Variants in PRRC2C observed in about 807,000 individuals in gnomAD.
PRRC2C encodes protein PRRC2C.
PRRC2C carries 72 observed loss-of-function variants against 317.2 expected under a neutral mutation model. That is an observed-to-expected ratio of 0.23 (90% CI 0.19 to 0.28). The LOEUF (loss-of-function observed/expected upper bound fraction) is 0.28. Among genes scored for constraint, PRRC2C ranks in the 10% least tolerant of loss-of-function variants. The probability of loss-of-function intolerance (pLI) is 1.00; values close to 1 mark genes in which losing one functional copy is unlikely to be tolerated. For missense variants in PRRC2C, 3,074 were observed against 3,459.7 expected (o/e 0.89, Z 2.80); for synonymous variants, 1,296 against 1,205.9 (o/e 1.07, Z -1.55).
At chr1:171,489,997 G>A (rs1666827015) in intron 1 of PRRC2C, among the ~76,000 whole-genome samples, 1 of 152,006 alleles carries the variant, frequency 6.6e-6, no homozygotes, top group Non-Finnish European at 1.5e-5. Flanking sequence ...TTGGCTCACT[G>A]CAACCTCTCC....
chr1:171,490,783 G>A (rs1667006930), intron 1 of PRRC2C, among the ~76,000 whole-genome samples: 1 of 152,178 alleles, frequency 6.6e-6, no homozygotes, highest in Admixed American at 6.5e-5. Flanking sequence ...AAAAGTGGAA[G>A]GTTAAAGGGG....
intron 6 of PRRC2C, among the ~76,000 whole-genome samples, chr1:171,520,811 T>TC (rs199975182): frequency 0.019 from 2,853 of 148,944 alleles, 86 homozygotes; most frequent in African/African-American, 0.068. Flanking sequence ...TTTTTTTTTT[T>TC]TTTTTTTTAA....
rs1236663155 is a variant in PRRC2C at position 171,559,505 on chromosome 1, G to GTTTTTTT, written c.6031+1365_6031+1366insTTTTTTT. Among the ~76,000 whole-genome samples the GTTTTTTT allele has an allele frequency of 1.3e-3, 122 of 95,128 alleles. 41 individuals carry two copies. Among genetic ancestry groups the GTTTTTTT allele is most frequent in the Admixed American group, 2.2e-3 (15 of 6,880 alleles). The allele number at this position is 95,128 out of a possible 152,430, so 62.4% of individuals were successfully genotyped here. ...ATCTGTTTACAAAATGGCATACCAA[G>GTTTTTTT]TTTGTTTTTTTTTTTTTTTTTTTTT... is the stretch of plus-strand genomic sequence containing the variant. On this transcript the variant is annotated intron_variant, in intron 19 of 34. Coordinates refer to ENST00000647382, the MANE Select transcript of PRRC2C (RefSeq NM_001387844.1).
chr1:171,586,543 GTATTTTATTTTATTTTATTTTATTT>G lies in PRRC2C; in HGVS notation c.7750-428_7750-404del, dbSNP rs560341256. 2.2e-3 allele frequency among the ~76,000 whole-genome samples: 295 copies of G among 132,252 alleles called. 1 individual carries two copies. The highest frequency in any genetic ancestry group is 5.9e-3 in the African/African-American group (202 of 34,200). The allele number at this position is 132,252 out of a possible 152,430, so 86.8% of individuals were successfully genotyped here. A position where few individuals can be genotyped will look rare whatever the true frequency, so the allele number is the denominator to read the frequency against. On this transcript the variant is annotated intron_variant, in intron 30 of 34. Transcript: ENST00000647382. ...ATATTAGTAGATGGATGTGTTCTAT[GTATTTTATTTTATTTTATTTTATTT>G]TATTTTATTTTATTTTATTTTATTT... is the stretch of plus-strand genomic sequence containing the variant.
At chr1:171,589,222 T>C (rs1048269884) in intron 33 of PRRC2C, 147 bp from the exon 34 acceptor site, 2 of 384,648 alleles carry the variant, frequency 5.2e-6, no homozygotes, top group Admixed American at 3.9e-5. Flanking sequence ...TCCTTGTTAA[T>C]GGAATGGCAC....
At position 171,523,229 on chromosome 1, in the gene PRRC2C, G is replaced by C. The variant is rs756768130; in HGVS notation, c.842G>C (p.Arg281Pro). Residue 281 changes from arginine to proline, a missense_variant, in exon 8 of 35, where the codon CGA becomes CCA. Physicochemically the swap from Arg to Pro is moderately radical, Grantham distance 103 (BLOSUM62 -2). Around this residue, in one of 11 missense-constraint regions of PRRC2C, gnomAD observed 50 missense variants for 88.3 expected, o/e 0.57. Transcript: ENST00000647382. The part of the protein sequence containing the change: ...PSLSETNKGL[R>P]GRGPPPSWAS... ...GACCTGCCTTTCATTAGAGGCCTTC[G>C]AGGAAGAGGCCCACCTCCTTCATGG... The C allele has an allele frequency of 6.2e-7, 1 of 1,610,566 alleles. No individual in the cohort carries two copies. Among genetic ancestry groups the C allele is most frequent in the African/African-American group, 1.3e-5 (1 of 74,790 alleles).
intron 16 of PRRC2C, among the ~76,000 whole-genome samples, chr1:171,543,570 A>G (rs1678432797): frequency 6.6e-6 from 1 of 152,170 alleles, no homozygotes; most frequent in Non-Finnish European, 1.5e-5. Flanking sequence ...AGTAATCATT[A>G]TTATGTGTGC....
chr1:171,488,143 G>A (rs1043599525), intron 1 of PRRC2C, among the ~76,000 whole-genome samples: 1 of 152,094 alleles, frequency 6.6e-6, no homozygotes, highest in Non-Finnish European at 1.5e-5. Flanking sequence ...TTGTTAGTTA[G>A]GTAACTTGTG....
In PRRC2C at chr1:171,509,884, G is replaced by A. The variant is rs529490548; in HGVS notation, c.-57-2148G>A. 3.3e-3 allele frequency: 411 copies of A among 122,842 alleles called. 5 individuals are homozygous for A. Among genetic ancestry groups the A allele is most frequent in the African/African-American group, 0.013 (394 of 31,188 alleles). 7.6% of individuals were successfully genotyped at this position (122,842 alleles called of 1,614,324 possible). A position where few individuals can be genotyped will look rare whatever the true frequency, so the allele number is the denominator to read the frequency against. On this transcript the variant is annotated intron_variant, in intron 1 of 34. Transcript: ENST00000647382. ...TTTTTTTTTTTGAGACGGAGTCTTG[G>A]TCTGTCACCCAGGCTGTAGTACAGT...
rs1035352136 is a variant in PRRC2C, at chr1:171,527,802, A to G, written c.1212A>G (p.Thr404=). 3 of 1,578,950 alleles carry G rather than the reference A, an allele frequency of 1.9e-6. No homozygotes were observed. The highest frequency in any genetic ancestry group is 2.7e-5 in the African/African-American group (2 of 73,796). The stretch of plus-strand genomic sequence containing the variant: ...CTTCTTTATAATAGGAACGTGGAAC[A>G]TCTTCACATCTGCCACCACCTCCAA... ...KGPSFNQERG[T]SSHLPPPPKL... Residue 404 remains threonine, a synonymous_variant, in exon 11 of 35, where the codon ACA becomes ACG. Transcript: ENST00000647382.
intron 1 of PRRC2C, among the ~76,000 whole-genome samples, chr1:171,503,614 A>G (rs1212473855): frequency 6.6e-6 from 1 of 152,010 alleles, no homozygotes; most frequent in Non-Finnish European, 1.5e-5. Flanking sequence ...AAAACCTGAT[A>G]TAATCATTCT....
chr1:171,554,320 G>A (rs527932179), intron 18 of PRRC2C, among the ~76,000 whole-genome samples: 2 of 152,170 alleles, frequency 1.3e-5, no homozygotes, highest in African/African-American at 4.8e-5. Flanking sequence ...CATTTGCTTA[G>A]TAGATCTTCC....
In PRRC2C at chr1:171,579,420, C is replaced by A; in HGVS notation, c.7226C>A (p.Pro2409Gln). The A allele has an allele frequency of 6.2e-7, 1 of 1,613,858 alleles. No homozygotes were observed. The highest frequency in any genetic ancestry group is 8.5e-7 in the Non-Finnish European group (1 of 1,179,862). ...AATACCCAACATGCACGATTGGCTC[C>A]GCCATCCTTGGCTCAACAACAGGGT... ...LFNTQHARLA[P>Q]PSLAQQQGFQ... The change falls in exon 27 of 35, where the codon CCG becomes CAG. Residue 2409 changes from proline (P) to glutamine (Q), a missense_variant. By Grantham distance (76) the Pro-to-Gln change is moderately conservative. Around this residue, in one of 11 missense-constraint regions of PRRC2C, gnomAD observed 490 missense variants for 663.1 expected, o/e 0.74. Transcript: ENST00000647382.
At chr1:171,499,827 T>G (rs1255760415) in intron 1 of PRRC2C, among the ~76,000 whole-genome samples, 1 of 152,002 alleles carries the variant, frequency 6.6e-6, no homozygotes, top group Non-Finnish European at 1.5e-5. Context: ...AAGGGAGCAA[T>G]GGCAAGAAGA....
At chr1:171,580,759 C>CA (rs1648388746) in intron 28 of PRRC2C, among the ~76,000 whole-genome samples, 5 of 152,130 alleles carry the variant, frequency 3.3e-5, no homozygotes. Context: ...ATAGTAGGAG[C>CA]AGTGCATCAT....
rs1432778689 is a variant in PRRC2C at position 171,541,499 on chromosome 1, G to T, written c.4033G>T (p.Gly1345Cys). ...FLPKGEPTRR[G>C]RGGTFRRGGR... Reference sequence around the variant, plus strand: ...TCCTAAAGGAGAGCCTACAAGGAGAGGCAGAGGGGGAACATTCAGGCGTGG... The same window carrying T: ...TCCTAAAGGAGAGCCTACAAGGAGATGCAGAGGGGGAACATTCAGGCGTGG... Residue 1345 changes from glycine (G) to cysteine (C), a missense_variant, in exon 16 of 35, where the codon GGC (glycine) becomes TGC (cysteine). Coordinates refer to ENST00000647382, the MANE Select transcript of PRRC2C (RefSeq NM_001387844.1). This position sits in a 1 kb window ranked among gnomAD's most constrained non-coding sequence, Gnocchi z 4.1. 6.2e-7 allele frequency: 1 copy of T among 1,613,672 alleles called. No individual in the cohort carries two copies. Among genetic ancestry groups the T allele is most frequent in the South Asian group, 1.1e-5 (1 of 91,046 alleles).
In PRRC2C at chr1:171,540,143, A is replaced by T. The variant is rs551970497; in HGVS notation, c.2677A>T (p.Asn893Tyr). 4 of 1,613,944 alleles carry T rather than the reference A, an allele frequency of 2.5e-6. No homozygotes were observed. The highest frequency in any genetic ancestry group is 3.3e-4 in the Middle Eastern group (2 of 6,062). ...DVRPHHTDAN[N>Y]QSACFEAPDQ... ...TAGACCTCACCATACTGATGCAAAT[A>T]ATCAGTCTGCTTGTTTTGAAGCACC... is the stretch of plus-strand genomic sequence containing the variant. The change falls in exon 16 of 35, where the codon AAT (asparagine) becomes TAT (tyrosine). Residue 893 changes from asparagine to tyrosine, a missense_variant. Physicochemically the swap from Asn to Tyr is moderately radical, Grantham distance 143. Around this residue, in one of 11 missense-constraint regions of PRRC2C, gnomAD observed 1,320 missense variants for 1,395.7 expected, o/e 0.95. Transcript: ENST00000647382.
At chr1:171,578,519 G>A (rs1647721381) in intron 26 of PRRC2C, among the ~76,000 whole-genome samples, 1 of 152,042 alleles carries the variant, frequency 6.6e-6, no homozygotes, top group Non-Finnish European at 1.5e-5. Flanking sequence ...GGCGGAGTGA[G>A]GCCCTGTCTC....
In PRRC2C at chr1:171,586,545, ATTTT is replaced by A. The variant is rs1650046259; in HGVS notation, c.7750-457_7750-454del. ...ATTAGTAGATGGATGTGTTCTATGTATTTTATTTTATTTTATTTTATTTTATTTT... is the reference window on the plus strand; with the variant it reads ...ATTAGTAGATGGATGTGTTCTATGTAATTTTATTTTATTTTATTTTATTTT... On this transcript the variant is annotated intron_variant, in intron 30 of 34. Coordinates refer to ENST00000647382, the MANE Select transcript of PRRC2C (RefSeq NM_001387844.1). 1.1e-4 allele frequency among the ~76,000 whole-genome samples: 6 copies of A among 52,232 alleles called. No homozygotes were observed. In the South Asian group the frequency reaches 3.7e-3, roughly 32 times the overall value. The allele number at this position is 52,232 out of a possible 152,430, so 34.3% of individuals were successfully genotyped here.
Sources: allele counts gnomAD v4.1 joint callset (sites outside exome capture counted in the v4.1 genomes callset), GRCh38; gene constraint gnomAD v4.1.1; regional missense constraint gnomAD v4.1.1; non-coding constraint Gnocchi (gnomAD v3.1); transcripts MANE v1.5; gene names NCBI Gene and HGNC (gene_info 2026-07-23, HGNC 2026-07-21).